CDH13: variants seen among roughly 807,000 people sequenced by gnomAD.
CDH13 encodes cadherin 13.
A neutral mutation model predicts 63.8 loss-of-function variants in CDH13; 24 were observed. The observed-to-expected ratio is 0.38, with a 90% confidence interval of 0.27 to 0.53. The LOEUF (loss-of-function observed/expected upper bound fraction) is 0.53. Among genes scored for constraint, CDH13 ranks in the 20% least tolerant of loss-of-function variants. CDH13 has a pLI of 0.85. For missense variants in CDH13, 1,049 were observed against 903.1 expected (o/e 1.16, Z -2.07); for synonymous variants, 503 against 355.3 (o/e 1.42, Z -4.67).
chr16:83,431,679 C>T (rs746569029), intron 6 of CDH13, among the ~76,000 whole-genome samples: 5 of 152,026 alleles, frequency 3.3e-5, no homozygotes, highest in Non-Finnish European at 5.9e-5. Flanking sequence ...AGAGCAGGAG[C>T]AAAAGAGAGC....
Position 83,013,038 on chromosome 16 carries a change from G to A in CDH13, c.158-18972G>A, listed in dbSNP as rs111951899. On this transcript the variant is annotated intron_variant, in intron 2 of 13. Transcript: ENST00000567109. ...ACTGTGGATGAGTTTACTTGCCTGA[G>A]CACTTAGGTGGCTTAGAGCAGATCT... 3.7e-3 allele frequency among the ~76,000 whole-genome samples: 558 copies of A among 152,320 alleles called. 5 individuals are homozygous for A. Among genetic ancestry groups the A allele is most frequent in the African/African-American group, 0.013 (539 of 41,576 alleles).
At chr16:83,404,295 C>G (rs773554728) in intron 6 of CDH13, among the ~76,000 whole-genome samples, 32 of 152,204 alleles carry the variant, frequency 2.1e-4, no homozygotes, top group Non-Finnish European at 3.8e-4. Context: ...AATTTCCCCA[C>G]TTCTCAGTAC....
chr16:83,075,473 T>G (rs1188466609), intron 3 of CDH13, among the ~76,000 whole-genome samples: 1 of 152,194 alleles, frequency 6.6e-6, no homozygotes, highest in East Asian at 1.9e-4. Context: ...TGACCTAGAA[T>G]GGCCTAGGCA....
intron 6 of CDH13, among the ~76,000 whole-genome samples, chr16:83,465,667 C>G (rs1341193442): frequency 6.6e-6 from 1 of 152,180 alleles, no homozygotes; most frequent in African/African-American, 2.4e-5. Context: ...CAAAGCAGAC[C>G]TCCCCATCAG....
chr16:83,034,413 C>T (rs989830871), intron 3 of CDH13, among the ~76,000 whole-genome samples: 1 of 152,178 alleles, frequency 6.6e-6, no homozygotes, highest in African/African-American at 2.4e-5. Context: ...TCAGAGGAAA[C>T]TGGATATTGG....
rs187246219 is a variant in CDH13 at position 82,770,638 on chromosome 16, T to A, written c.46-87724T>A. Among the ~76,000 whole-genome samples the A allele has an allele frequency of 2.8e-3, 422 of 152,350 alleles. 2 individuals are homozygous for A. The highest frequency in any genetic ancestry group is 9.5e-3 in the African/African-American group (394 of 41,586). ...GATTTTTAAGCAGTCAATTTTCAAT[T>A]ACTGCATAATATTCTTCCATTTGGA... On this transcript the variant is annotated intron_variant, in intron 1 of 13. Transcript: ENST00000567109.
chr16:83,489,782 C>G (rs2073968555), intron 7 of CDH13, among the ~76,000 whole-genome samples: 1 of 152,148 alleles, frequency 6.6e-6, no homozygotes, highest in South Asian at 2.1e-4. Flanking sequence ...AAGTCTACTT[C>G]TCAGCCAGAT....
chr16:83,691,261 G>C (rs561067323), intron 10 of CDH13, among the ~76,000 whole-genome samples: 6 of 152,140 alleles, frequency 3.9e-5, no homozygotes, highest in African/African-American at 1.2e-4. Flanking sequence ...ACAGGAATTC[G>C]GTCTTGTTCT....
chr16:83,259,466 G>A (rs958227647), intron 5 of CDH13, among the ~76,000 whole-genome samples: 1 of 152,090 alleles, frequency 6.6e-6, no homozygotes, highest in Non-Finnish European at 1.5e-5. Context: ...TTGTTTGGGT[G>A]GCCAGTGGAG....
intron 2 of CDH13, among the ~76,000 whole-genome samples, chr16:83,009,679 T>C (rs192980345): frequency 1.3e-5 from 2 of 152,338 alleles, no homozygotes. Context: ...TTAGTGCATA[T>C]TTGATGGTGG....
intron 4 of CDH13, among the ~76,000 whole-genome samples, chr16:83,191,872 G>C (rs1443285576): frequency 6.6e-6 from 1 of 152,008 alleles, no homozygotes; most frequent in Non-Finnish European, 1.5e-5. Context: ...TGACACAAAT[G>C]TTCATCTCCT....
At chr16:82,972,065 A>G (rs1226283240) in intron 2 of CDH13, among the ~76,000 whole-genome samples, 1 of 152,198 alleles carries the variant, frequency 6.6e-6, no homozygotes, top group Non-Finnish European at 1.5e-5. Context: ...GTACAGATGG[A>G]TTTTTATCAG....
chr16:83,559,799 G>C (rs575433860), intron 7 of CDH13, among the ~76,000 whole-genome samples: 1 of 152,300 alleles, frequency 6.6e-6, no homozygotes, highest in Admixed American at 6.5e-5. Flanking sequence ...TGGAAGCCAA[G>C]AAGCCGAAGG....
chr16:83,463,634 A>T (rs2087372), intron 6 of CDH13, among the ~76,000 whole-genome samples: 69,241 of 151,900 alleles, frequency 0.46, 16,095 homozygotes, highest in Middle Eastern at 0.53. Context: ...GACCCCCATC[A>T]TTATAAAAAT....
At chr16:83,340,895 A>G (rs542108489) in intron 5 of CDH13, among the ~76,000 whole-genome samples, 1 of 152,040 alleles carries the variant, frequency 6.6e-6, no homozygotes, top group East Asian at 1.9e-4. Flanking sequence ...TTAATATCAC[A>G]CCTTGTTATT....
At chr16:83,653,427 T>A (rs529901517) in intron 8 of CDH13, among the ~76,000 whole-genome samples, 1 of 124,670 alleles carries the variant, frequency 8.0e-6, no homozygotes, top group African/African-American at 2.9e-5. Context: ...TTGTTAAGGT[T>A]TGAAAAATCA....
intron 11 of CDH13, 68 bp downstream of exon 11, chr16:83,748,318 T>TTTC (rs1399807541): frequency 7.0e-7 from 1 of 1,422,384 alleles, no homozygotes; most frequent in Non-Finnish European, 9.6e-7. Flanking sequence ...CATTTTTAAA[T>TTTC]TTCTTCTGAT....
At chr16:82,643,561 A>C (rs920047759) in intron 1 of CDH13, among the ~76,000 whole-genome samples, 1 of 152,122 alleles carries the variant, frequency 6.6e-6, no homozygotes, top group Non-Finnish European at 1.5e-5. Flanking sequence ...TGTTATTTGG[A>C]ACTGCAGGTC....
intron 5 of CDH13, among the ~76,000 whole-genome samples, chr16:83,338,100 CA>C (rs1244459433): frequency 1.4e-5 from 2 of 147,708 alleles, no homozygotes; most frequent in Non-Finnish European, 3.0e-5. Flanking sequence ...AGTATTTGTT[CA>C]GATTGTTTTA....
Sources: allele counts gnomAD v4.1 joint callset (sites outside exome capture counted in the v4.1 genomes callset), GRCh38; gene constraint gnomAD v4.1.1; transcripts MANE v1.5; gene names NCBI Gene and HGNC (gene_info 2026-07-23, HGNC 2026-07-21).